The following DUX4 variants were observed in gnomAD, a reference collection of about 807,000 sequenced individuals.
DUX4 encodes the protein double homeobox protein 4.
downstream of DUX4, among the ~76,000 whole-genome samples, chr4:190,177,163 A>ATACATGG (rs1742346232): frequency 8.8e-6 from 1 of 113,634 alleles, no homozygotes. Flanking sequence ...CATCACCTAG[A>ATACATGG]TGATCTGTGC....
At chr4:190,177,112 T>G (rs1742342216), downstream of DUX4, among the ~76,000 whole-genome samples, 643 of 134,588 alleles carry the variant, frequency 4.8e-3, no homozygotes, top group Admixed American at 8.2e-3. Flanking sequence ...TGCAGAGATA[T>G]TTCACAATGT....
At chr4:190,177,194 C>CAGAGCCTAGATAAA (rs1742350391), downstream of DUX4, among the ~76,000 whole-genome samples, 39 of 96,936 alleles carry the variant, frequency 4.0e-4, no homozygotes, top group East Asian at 6.9e-4. Flanking sequence ...CAAAACGCCC[C>CAGAGCCTAGATAAA]TGTAGGCAGA....
At chr4:190,181,168 G>GT (rs1742549366) in intron 1 of DUX4, among the ~76,000 whole-genome samples, 2 of 89,544 alleles carry the variant, frequency 2.2e-5, no homozygotes, top group African/African-American at 3.9e-5. Context: ...TTTAGGCAGA[G>GT]CTTAGACTAG....
intron 1 of DUX4, among the ~76,000 whole-genome samples, chr4:190,181,512 T>TGGAAAAGAGTTACATCACCTC (rs1742576710): frequency 6.6e-6 from 1 of 151,572 alleles, no homozygotes; most frequent in East Asian, 1.9e-4. Flanking sequence ...AGGCAGAGCC[T>TGGAAAAGAGTTACATCACCTC]GGACAAGAGT....
At chr4:190,182,208 T>TGAGGGTCAGGGTG (rs1742605726) in intron 1 of DUX4, 9 of 110,462 alleles carry the variant, frequency 8.1e-5, no homozygotes, top group South Asian at 3.4e-4. Flanking sequence ...GGGTGAGGGT[T>TGAGGGTCAGGGTG]AGGGTGAGGG....
downstream of DUX4, among the ~76,000 whole-genome samples, chr4:190,176,080 G>A (rs1464919288): frequency 1.8e-5 from 2 of 110,242 alleles, 1 homozygote; most frequent in Non-Finnish European, 4.3e-5. Flanking sequence ...GATCAGTGCA[G>A]GGATAAGTCA....
downstream of DUX4, among the ~76,000 whole-genome samples, chr4:190,179,012 TAGTGCAGAGTTA>T (rs1742471392): frequency 2.9e-5 from 1 of 34,722 alleles, no homozygotes; most frequent in African/African-American, 8.7e-5. Context: ...CCTGGATGAT[TAGTGCAGAGTTA>T]TGTCACAAAG....
chr4:190,176,084 T>G (rs1742290923), downstream of DUX4, among the ~76,000 whole-genome samples: 1 of 111,780 alleles, frequency 8.9e-6, no homozygotes, highest in African/African-American at 2.6e-5. Flanking sequence ...AGTGCAGGGA[T>G]AAGTCATAAA....
chr4:190,177,058 TC>T (rs1742339480), downstream of DUX4, among the ~76,000 whole-genome samples: 1 of 151,526 alleles, frequency 6.6e-6, no homozygotes, highest in Admixed American at 6.6e-5. Flanking sequence ...CAAATCCCCC[TC>T]TAGGCAGAGT....
chr4:190,178,876 TC>T (rs1742458936), downstream of DUX4, among the ~76,000 whole-genome samples: 1 of 150,668 alleles, frequency 6.6e-6, no homozygotes, highest in Admixed American at 6.6e-5. Flanking sequence ...ACCTGGGTGA[TC>T]AGTGCAGATC....
At chr4:190,177,101 G>T (rs1742341654), downstream of DUX4, among the ~76,000 whole-genome samples, 1,899 of 126,164 alleles carry the variant, frequency 0.015, no homozygotes, top group East Asian at 0.029. Context: ...TGGGTGATCA[G>T]TGCAGAGATA....
downstream of DUX4, among the ~76,000 whole-genome samples, chr4:190,179,795 A>AGTGGACG (rs1213740323): frequency 6.8e-6 from 1 of 146,496 alleles, no homozygotes; most frequent in Non-Finnish European, 1.5e-5. Context: ...CCCTGTAGGC[A>AGTGGACG]AGCCTACACA....
intron 1 of DUX4, chr4:190,182,105 T>A (rs1229487455): frequency 4.2e-5 from 5 of 118,112 alleles, no homozygotes; most frequent in African/African-American, 1.3e-4. Flanking sequence ...TATGTCACAA[T>A]GCCTCCTGTA....
chr4:190,183,494 A>G (rs1444296844), intron 1 of DUX4, among the ~76,000 whole-genome samples: 13 of 100,218 alleles, frequency 1.3e-4, no homozygotes, highest in African/African-American at 3.3e-4. Flanking sequence ...AGAAAGCTAA[A>G]TGCTTTTTGT....
downstream of DUX4, among the ~76,000 whole-genome samples, chr4:190,178,700 T>A (rs1742444154): frequency 6.6e-6 from 1 of 151,298 alleles, no homozygotes; most frequent in East Asian, 2.0e-4. Flanking sequence ...ACAAAGCTCC[T>A]GTAGGCAGAG....
chr4:190,176,425 A>G (rs1742307265), downstream of DUX4, among the ~76,000 whole-genome samples: 1 of 110,440 alleles, frequency 9.1e-6, no homozygotes, highest in Non-Finnish European at 2.1e-5. Context: ...CAGTGCAGAG[A>G]TACGTGAGAA....
chr4:190,181,465 G>C (rs1164045522), intron 1 of DUX4, among the ~76,000 whole-genome samples: 1,435 of 19,904 alleles, frequency 0.072, 1 homozygote, highest in Admixed American at 0.084. Context: ...ACATCACCTA[G>C]ATGATCAGTG....
At chr4:190,176,250 C>G (rs1340879748), downstream of DUX4, among the ~76,000 whole-genome samples, 1 of 111,418 alleles carries the variant, frequency 9.0e-6, no homozygotes, top group Non-Finnish European at 2.1e-5. Context: ...TAGACAAAGC[C>G]CAGACAATTT....
chr4:190,178,271 GATAT>G (rs1742414556), downstream of DUX4, among the ~76,000 whole-genome samples: 2 of 107,490 alleles, frequency 1.9e-5, no homozygotes, highest in Admixed American at 1.0e-4. Context: ...TCAGTGTAGA[GATAT>G]GTCACAATGT....
Sources: gnomAD v4.1 joint callset for allele counts (sites outside exome capture counted in the v4.1 genomes callset) on GRCh38, gnomAD v4.1.1 for gene constraint, MANE v1.5 for transcripts, NCBI Gene and HGNC (gene_info 2026-07-23, HGNC 2026-07-21) for gene names.